GRIN2B: variants seen among roughly 807,000 people sequenced by gnomAD.
GRIN2B encodes glutamate ionotropic receptor NMDA type subunit 2B.
In GRIN2B, 5 loss-of-function variants were observed where a neutral mutation model predicts 114.5. That is an observed-to-expected ratio of 0.04 (90% confidence interval 0.02 to 0.09). GRIN2B has a LOEUF of 0.09. GRIN2B is among the 10% of genes least tolerant of loss of function. The pLI is 1.00. For missense variants in GRIN2B, 1,108 were observed against 1,943.5 expected (o/e 0.57, Z 8.08); for synonymous variants, 787 against 745.1 (o/e 1.06, Z -0.92).
intron 2 of GRIN2B, among the ~76,000 whole-genome samples, chr12:13,954,818 A>AAAAAAAAAAAAAAAAAAC (rs1867557861): frequency 6.8e-6 from 1 of 146,828 alleles, no homozygotes; most frequent in Non-Finnish European, 1.5e-5. Context: ...CAGGAAAAAA[A>AAAAAAAAAAAAAAAAAAC]AAAAAAAAAA....
chr12:13,963,881 G>A (rs2136864757), intron 2 of GRIN2B, among the ~76,000 whole-genome samples: 1 of 152,258 alleles, frequency 6.6e-6, no homozygotes, highest in Non-Finnish European at 1.5e-5. Flanking sequence ...GCACTGCTTG[G>A]CACCCAGGAC....
At chr12:13,875,538 A>G (rs2136758221) in intron 2 of GRIN2B, among the ~76,000 whole-genome samples, 1 of 152,202 alleles carries the variant, frequency 6.6e-6, no homozygotes, top group South Asian at 2.1e-4. Flanking sequence ...AAGAAATAAA[A>G]AGTAAAAAAT....
chr12:13,886,787 CAT>C (rs1866166386), intron 2 of GRIN2B, among the ~76,000 whole-genome samples: 2 of 152,138 alleles, frequency 1.3e-5, no homozygotes, highest in Admixed American at 6.5e-5. Flanking sequence ...TTCTTAACCA[CAT>C]GTTTAGAGTA....
chr12:13,678,913 T>G (rs1362796248), intron 4 of GRIN2B, among the ~76,000 whole-genome samples: 1 of 151,758 alleles, frequency 6.6e-6, no homozygotes, highest in African/African-American at 2.4e-5. Context: ...AGTCTTCAAA[T>G]AAAGTTTATG....
chr12:13,685,154 C>A (rs1205763690), intron 4 of GRIN2B, among the ~76,000 whole-genome samples: 1 of 152,184 alleles, frequency 6.6e-6, no homozygotes, highest in African/African-American at 2.4e-5. Context: ...TTTGATCTTT[C>A]TCCATTTCCT....
rs17822337 is a variant in GRIN2B, at chr12:13,569,694, C to T, written c.2359+136G>A. 0.081 allele frequency: 50,133 copies of T among 615,570 alleles called. 2,413 individuals carry two copies. The highest frequency in any genetic ancestry group is 0.12 in the African/African-American group (6,737 of 54,102). 38.1% of individuals were successfully genotyped at this position (615,570 alleles called of 1,614,324 possible). On this transcript the variant is annotated intron_variant, in intron 12 of 13. Coordinates refer to ENST00000609686, the MANE Select transcript of GRIN2B (RefSeq NM_000834.5). ...CAGCAATAGGAAACAAATATATACCCGAAAACTACACAATATACTGTGAAA... is the reference window on the plus strand; with the variant it reads ...CAGCAATAGGAAACAAATATATACCTGAAAACTACACAATATACTGTGAAA...
At chr12:13,667,851 ATT>A (rs1949992132) in intron 5 of GRIN2B, among the ~76,000 whole-genome samples, 1 of 152,180 alleles carries the variant, frequency 6.6e-6, no homozygotes, top group South Asian at 2.1e-4. Context: ...ATATGGGTAA[ATT>A]TTATTTTATC....
chr12:13,787,289 C>T (rs920477243), intron 3 of GRIN2B, among the ~76,000 whole-genome samples: 28 of 152,098 alleles, frequency 1.8e-4, no homozygotes, highest in African/African-American at 4.8e-4. Flanking sequence ...TTATCGGACA[C>T]GTATCATCAG....
intron 4 of GRIN2B, among the ~76,000 whole-genome samples, chr12:13,692,760 C>CTTTCTT (rs1427827056): frequency 0.025 from 1,294 of 51,680 alleles, 45 homozygotes; most frequent in Non-Finnish European, 0.033. Context: ...TCTTTCTTTT[C>CTTTCTT]TTTTTTTTTT....
chr12:13,873,848 C>T (rs1391574102), intron 2 of GRIN2B, among the ~76,000 whole-genome samples: 1 of 152,130 alleles, frequency 6.6e-6, no homozygotes. Context: ...AGAGAATTAA[C>T]CCCAAATGGA....
intron 5 of GRIN2B, among the ~76,000 whole-genome samples, chr12:13,646,394 G>C (rs888476193): frequency 2.6e-5 from 4 of 152,096 alleles, no homozygotes; most frequent in Non-Finnish European, 4.4e-5. Flanking sequence ...TACATCAGCT[G>C]TTTAAATCCT....
At chr12:13,711,651 G>C (rs1404407880) in intron 4 of GRIN2B, among the ~76,000 whole-genome samples, 2 of 152,096 alleles carry the variant, frequency 1.3e-5, no homozygotes, top group African/African-American at 2.4e-5. Context: ...CTGGCCATCA[G>C]AGAAATGCAA....
chr12:13,699,291 G>C (rs1359229945), intron 4 of GRIN2B, among the ~76,000 whole-genome samples: 1 of 152,094 alleles, frequency 6.6e-6, no homozygotes, highest in African/African-American at 2.4e-5. Flanking sequence ...TACAAAGTAG[G>C]ACATATACAC....
chr12:13,929,250 C>CA (rs1226428456), intron 2 of GRIN2B, among the ~76,000 whole-genome samples: 3 of 151,950 alleles, frequency 2.0e-5, no homozygotes, highest in Admixed American at 1.3e-4. Flanking sequence ...TTAAGACAAA[C>CA]AAAAAAACAG....
intron 4 of GRIN2B, among the ~76,000 whole-genome samples, chr12:13,724,779 C>G (rs754020040): frequency 6.6e-6 from 1 of 152,006 alleles, no homozygotes; most frequent in Non-Finnish European, 1.5e-5. Context: ...ATTTCTGCTC[C>G]CTAAGATTGT....
At chr12:13,728,014 C>T (rs960893054) in intron 4 of GRIN2B, among the ~76,000 whole-genome samples, 1 of 152,186 alleles carries the variant, frequency 6.6e-6, no homozygotes, top group Non-Finnish European at 1.5e-5. Context: ...AAACTGATCA[C>T]ATGTGGTATT....
chr12:13,790,805 C>T (rs1344331206), intron 3 of GRIN2B, among the ~76,000 whole-genome samples: 1 of 152,138 alleles, frequency 6.6e-6, no homozygotes, highest in Non-Finnish European at 1.5e-5. Context: ...ATTATGAGGA[C>T]CTATGCCAGG....
At chr12:13,635,612 G>A (rs1949659999) in intron 5 of GRIN2B, among the ~76,000 whole-genome samples, 1 of 152,172 alleles carries the variant, frequency 6.6e-6, no homozygotes, top group South Asian at 2.1e-4. Flanking sequence ...TAGAGTACAA[G>A]CACAGAAGGA....
At chr12:13,614,931 T>A (rs1949416331) in intron 8 of GRIN2B, among the ~76,000 whole-genome samples, 183 bp downstream of exon 8, 1 of 152,234 alleles carries the variant, frequency 6.6e-6, no homozygotes, top group Admixed American at 6.5e-5. Flanking sequence ...TTTCTGGGTG[T>A]TCATCAGCTT....
Sources: allele counts gnomAD v4.1 joint callset (sites outside exome capture counted in the v4.1 genomes callset), GRCh38; gene constraint gnomAD v4.1.1; transcripts MANE v1.5; gene names NCBI Gene and HGNC (gene_info 2026-07-23, HGNC 2026-07-21).